Variants in GPD2 observed in about 807,000 individuals in gnomAD.
GPD2 encodes the protein glycerol-3-phosphate dehydrogenase, mitochondrial.
In GPD2, 54 loss-of-function variants were observed where a neutral mutation model predicts 82.4. The observed-to-expected ratio is 0.66, with a 90% CI of 0.53 to 0.82. The LOEUF (loss-of-function observed/expected upper bound fraction) is 0.82. Ranked by LOEUF, GPD2 falls within the 40% of genes least tolerant of loss-of-function variation. The probability of loss-of-function intolerance (pLI) is 0.00; values close to 1 mark genes in which losing one functional copy is unlikely to be tolerated. For missense variants in GPD2, 748 were observed against 896.2 expected, an observed-to-expected ratio of 0.83 and a Z score of 2.11; for synonymous variants, 288 against 306.1, an observed-to-expected ratio of 0.94 and a Z score of 0.62.
intron 2 of GPD2, among the ~76,000 whole-genome samples, chr2:156,483,592 A>T (rs893288316): frequency 2.0e-5 from 3 of 152,240 alleles, no homozygotes; most frequent in African/African-American, 7.2e-5. Flanking sequence ...TGATGACTAA[A>T]CAGATAAACT....
chr2:156,483,130 A>C (rs1251122129), intron 2 of GPD2, among the ~76,000 whole-genome samples: 1 of 152,082 alleles, frequency 6.6e-6, no homozygotes, highest in Non-Finnish European at 1.5e-5. Flanking sequence ...ACAAAAAAAA[A>C]ACAAAAAACA....
the GPD2 span, among the ~76,000 whole-genome samples, chr2:156,411,898 T>C: frequency 6.6e-6 from 1 of 151,856 alleles, no homozygotes; most frequent in South Asian, 2.1e-4. Context: ...ACATAATCTT[T>C]CATGGGCTTT....
In GPD2 at chr2:156,530,358, C is replaced by T. The variant is rs1573967704; in HGVS notation, c.661+16862C>T. Among the ~76,000 whole-genome samples the T allele has an allele frequency of 4.9e-5, 7 of 142,528 alleles. No homozygotes were observed. In the South Asian group the frequency reaches 1.2e-3, roughly 24 times the overall value. The allele number at this position is 142,528 out of a possible 152,430, so 93.5% of individuals were successfully genotyped here. A position where few individuals can be genotyped will look rare whatever the true frequency, so the allele number is the denominator to read the frequency against. On this transcript the variant is annotated intron_variant, in intron 6 of 16. Coordinates refer to ENST00000438166, the MANE Select transcript of GPD2 (RefSeq NM_000408.5). ...GAGACAATGGGGTTTTCTGGATATACGATCATGTCATCTGCAAACAGGGAC... is the reference window on the plus strand; with the variant it reads ...GAGACAATGGGGTTTTCTGGATATATGATCATGTCATCTGCAAACAGGGAC...
chr2:156,516,769 A>G (rs1436155234), intron 6 of GPD2, among the ~76,000 whole-genome samples: 1 of 152,260 alleles, frequency 6.6e-6, no homozygotes, highest in Non-Finnish European at 1.5e-5. Context: ...TTAATGCTGC[A>G]AGAAGTTTTG....
At chr2:156,456,595 C>CA (rs760885784) in intron 1 of GPD2, among the ~76,000 whole-genome samples, 3,351 of 136,030 alleles carry the variant, frequency 0.025, 113 homozygotes, top group African/African-American at 0.082. Flanking sequence ...GACTCTGTCT[C>CA]AAAAAAAAAA....
chr2:156,431,519 A>T (rs1392366423), upstream of GPD2, among the ~76,000 whole-genome samples: 1 of 152,104 alleles, frequency 6.6e-6, no homozygotes, highest in African/African-American at 2.4e-5. Context: ...TGGAGCTGGC[A>T]TAGTAATTAC....
the GPD2 span, among the ~76,000 whole-genome samples, chr2:156,409,962 C>T: frequency 6.6e-6 from 1 of 152,002 alleles, no homozygotes; most frequent in Non-Finnish European, 1.5e-5. Context: ...CAGAGGATCC[C>T]TTGAACCCAG....
chr2:156,531,617 G>C (rs376421141), intron 6 of GPD2, among the ~76,000 whole-genome samples: 1 of 152,234 alleles, frequency 6.6e-6, no homozygotes, highest in South Asian at 2.1e-4. Flanking sequence ...TGGAGGCCAC[G>C]AGTGGCCCAT....
rs776070659 is a variant in GPD2 at position 156,450,665 on chromosome 2, C to CTTTTT, written c.-9+14165_-9+14169dup. ...GTGGAGACAGTTCTTATAGACAACTCTTTTTTTTTTTTTTTTTATTGCTCA... is the reference window on the plus strand; with the variant it reads ...GTGGAGACAGTTCTTATAGACAACTCTTTTTTTTTTTTTTTTTTTTTTATTGCTCA... On this transcript the variant is annotated intron_variant, in intron 1 of 16. Transcript: ENST00000438166. Among the ~76,000 whole-genome samples, 105 of 71,664 alleles carry CTTTTT rather than the reference C, an allele frequency of 1.5e-3. 3 individuals are homozygous for CTTTTT. Among genetic ancestry groups the CTTTTT allele is most frequent in the African/African-American group, 4.8e-3 (89 of 18,644 alleles). 47.0% of individuals were successfully genotyped at this position (71,664 alleles called of 152,430 possible). A position where few individuals can be genotyped will look rare whatever the true frequency, so the allele number is the denominator to read the frequency against.
intron 3 of GPD2, among the ~76,000 whole-genome samples, chr2:156,504,284 A>T (rs1015403029): frequency 1.3e-5 from 2 of 152,118 alleles, no homozygotes; most frequent in East Asian, 3.8e-4. Context: ...GATCCTTCCC[A>T]TAAAATGTTC....
chr2:156,575,828 C>A (rs1687799922), intron 13 of GPD2, among the ~76,000 whole-genome samples: 1 of 152,124 alleles, frequency 6.6e-6, no homozygotes, highest in Non-Finnish European at 1.5e-5. Flanking sequence ...AGTTAAATGA[C>A]AGTGTTGGCC....
the GPD2 span, among the ~76,000 whole-genome samples, chr2:156,406,958 C>T: frequency 5.9e-5 from 9 of 152,182 alleles, no homozygotes; most frequent in African/African-American, 2.2e-4. Context: ...AGCCTGTAAT[C>T]CCAGCACTTT....
At chr2:156,448,053 G>T (rs1030570916) in intron 1 of GPD2, among the ~76,000 whole-genome samples, 2 of 151,496 alleles carry the variant, frequency 1.3e-5, no homozygotes, top group Non-Finnish European at 2.9e-5. Context: ...TTCTCTCACT[G>T]CCTACATCAT....
upstream of GPD2, among the ~76,000 whole-genome samples, chr2:156,433,244 G>A (rs566211770): frequency 6.6e-6 from 1 of 152,200 alleles, no homozygotes; most frequent in African/African-American, 2.4e-5. Flanking sequence ...TCTTGCCTGG[G>A]GACTAGATTG....
rs1291138689 is a variant in GPD2, at chr2:156,568,874, TACAG to T, written c.1218_1221del (p.Asp407ProfsTer25). On this transcript the variant is annotated frameshift_variant, in exon 10 of 17. Coordinates refer to ENST00000438166, the MANE Select transcript of GPD2 (RefSeq NM_000408.5). LOFTEE classifies it high-confidence loss of function. ...CATGGAGTGGAATCCGTCCTCTTGT[TACAG>T]ACCCCAAATCTGCAGATACTCAGTC... is the stretch of plus-strand genomic sequence containing the variant. 1 of 1,612,662 alleles carries T rather than the reference TACAG, an allele frequency of 6.2e-7. No homozygotes were observed. Among genetic ancestry groups the T allele is most frequent in the Non-Finnish European group, 8.5e-7 (1 of 1,178,858 alleles).
chr2:156,478,427 C>T (rs1683593833), intron 2 of GPD2, among the ~76,000 whole-genome samples: 1 of 152,052 alleles, frequency 6.6e-6, no homozygotes, highest in Non-Finnish European at 1.5e-5. Context: ...TCTGGTGATT[C>T]CTGTCCCTTT....
intron 6 of GPD2, among the ~76,000 whole-genome samples, chr2:156,526,624 G>C (rs1685619551): frequency 6.6e-6 from 1 of 151,814 alleles, no homozygotes; most frequent in South Asian, 2.1e-4. Flanking sequence ...AAAAATTTGA[G>C]GGACTTTCTG....
chr2:156,554,563 TAGGGGAAG>T (rs1351753693), intron 8 of GPD2, among the ~76,000 whole-genome samples: 1 of 152,202 alleles, frequency 6.6e-6, no homozygotes, highest in Non-Finnish European at 1.5e-5. Context: ...AGCAGCTTTT[TAGGGGAAG>T]AGGGGAAGAA....
At chr2:156,522,972 G>A (rs946220191) in intron 6 of GPD2, among the ~76,000 whole-genome samples, 1 of 151,606 alleles carries the variant, frequency 6.6e-6, no homozygotes, top group Admixed American at 6.6e-5. Context: ...ACAAAATTGA[G>A]AGAAAGGTAC....
Sources: gnomAD v4.1 joint callset for allele counts (sites outside exome capture counted in the v4.1 genomes callset) on GRCh38, gnomAD v4.1.1 for gene constraint, MANE v1.5 for transcripts, NCBI Gene and HGNC (gene_info 2026-07-23, HGNC 2026-07-21) for gene names.